LIN54: variants seen among roughly 807,000 people sequenced by gnomAD.
LIN54 encodes the protein protein lin-54 homolog.
In LIN54, 9 loss-of-function variants were observed where a neutral mutation model predicts 78.7. The observed-to-expected ratio is 0.11, with a 90% confidence interval of 0.07 to 0.20. LIN54 has a LOEUF of 0.20. Ranked by LOEUF, LIN54 falls within the 10% of genes least tolerant of loss-of-function variation. LIN54 has a pLI of 1.00. For missense variants in LIN54, 573 were observed against 889.9 expected, an observed-to-expected ratio of 0.64 and a Z score of 4.53; for synonymous variants, 269 against 318.4, an observed-to-expected ratio of 0.84 and a Z score of 1.65.
chr4:82,928,411 G>T, intron 12 of LIN54, 108 bp from the exon 13 acceptor site: 1 of 840,286 alleles, frequency 1.2e-6, no homozygotes, highest in Non-Finnish European at 2.0e-6. Context: ...CAATTCACCA[G>T]CAGGATGAGC....
At chr4:82,933,029 A>C (rs1312363112) in intron 11 of LIN54, among the ~76,000 whole-genome samples, 1 of 152,030 alleles carries the variant, frequency 6.6e-6, no homozygotes, top group East Asian at 1.9e-4. Context: ...GCTGCATTAT[A>C]AACACATTTA....
In LIN54 at chr4:82,939,980, G is replaced by C; in HGVS notation, c.1169-18C>G. On this transcript the variant is annotated intron_variant, in intron 5 of 12. Transcript: ENST00000340417. The stretch of plus-strand genomic sequence containing the variant: ...TGGCTTTGCTTTTTAAAAAACAAAA[G>C]AAGGATGAACAAGTTATTTACAGAA... 1 of 1,556,140 alleles carries C rather than the reference G, an allele frequency of 6.4e-7. No individual in the cohort carries two copies. The highest frequency in any genetic ancestry group is 1.2e-5 in the South Asian group (1 of 84,800).
At chr4:82,970,181 C>T (rs1157309095) in intron 4 of LIN54, 146 bp downstream of exon 4, 1 of 711,054 alleles carries the variant, frequency 1.4e-6, no homozygotes, top group East Asian at 2.7e-5. Context: ...TGTCAGACAT[C>T]CTTGATTACT....
chr4:82,991,367 T>C (rs1419323484), intron 1 of LIN54, among the ~76,000 whole-genome samples: 1 of 152,220 alleles, frequency 6.6e-6, no homozygotes, highest in African/African-American at 2.4e-5. Context: ...AACTGATTTT[T>C]GTATATTGTC....
At chr4:82,975,795 CA>C (rs1196418800) in intron 3 of LIN54, among the ~76,000 whole-genome samples, 1 of 151,164 alleles carries the variant, frequency 6.6e-6, no homozygotes, top group East Asian at 1.9e-4. Flanking sequence ...GGGAGACAGA[CA>C]AGAAAACCAA....
rs367777402 is a variant in LIN54 at position 83,001,963 on chromosome 4, G to C, written c.-33+8521C>G. 3.7e-4 allele frequency among the ~76,000 whole-genome samples: 2 copies of C among 5,354 alleles called. 1 individual carries two copies. The highest frequency in any genetic ancestry group is 1.2e-3 in the Non-Finnish European group (2 of 1,722). 3.5% of individuals were successfully genotyped at this position (5,354 alleles called of 152,430 possible). A position where few individuals can be genotyped will look rare whatever the true frequency, so the allele number is the denominator to read the frequency against. Reference sequence around the variant, plus strand: ...GGAAGGAAGGAAGGAAGGAAGGAAGGAAGGAAGGAAGGAAGGGAGGGATCT... The same window carrying C: ...GGAAGGAAGGAAGGAAGGAAGGAAGCAAGGAAGGAAGGAAGGGAGGGATCT... On this transcript the variant is annotated intron_variant, in intron 1 of 12. Coordinates refer to ENST00000340417, the MANE Select transcript of LIN54 (RefSeq NM_194282.4).
At position 82,933,495 on chromosome 4, in the gene LIN54, T is replaced by A. The variant is rs372313882; in HGVS notation, c.1846-2350A>T. Reference sequence around the variant, plus strand: ...AGCCTATAGGCATTGAAAGGACACATGAATGTGTTGTCCAGATGCAAACCA... The same window carrying A: ...AGCCTATAGGCATTGAAAGGACACAAGAATGTGTTGTCCAGATGCAAACCA... On this transcript the variant is annotated intron_variant, in intron 11 of 12. Coordinates refer to ENST00000340417, the MANE Select transcript of LIN54 (RefSeq NM_194282.4). Among the ~76,000 whole-genome samples, 3 of 151,824 alleles carry A rather than the reference T, an allele frequency of 2.0e-5. No individual in the cohort carries two copies. In the South Asian group the frequency reaches 6.2e-4, roughly 32 times the overall value.
intron 1 of LIN54, among the ~76,000 whole-genome samples, chr4:83,007,001 A>G (rs2126116156): frequency 6.6e-6 from 1 of 152,082 alleles, no homozygotes; most frequent in Non-Finnish European, 1.5e-5. Flanking sequence ...GTAGCCAGGC[A>G]TGGTGGCGGG....
At chr4:82,943,861 ATTTTTTTTTT>A (rs35020887) in intron 5 of LIN54, among the ~76,000 whole-genome samples, 60,875 of 128,752 alleles carry the variant, frequency 0.47, 16,121 homozygotes, top group Admixed American at 0.62. Flanking sequence ...GTCAATACTG[ATTTTTTTTTT>A]TTTTTTTTTT....
intron 1 of LIN54, among the ~76,000 whole-genome samples, chr4:82,985,361 C>G (rs1341882989): frequency 6.6e-6 from 1 of 152,122 alleles, no homozygotes. Flanking sequence ...GTGTACTATC[C>G]CATTTTAAAA....
chr4:82,951,538 G>T (rs906172826), intron 4 of LIN54, among the ~76,000 whole-genome samples: 8 of 152,038 alleles, frequency 5.3e-5, no homozygotes, highest in African/African-American at 1.9e-4. Context: ...AAATAAAATA[G>T]TATGGGATTA....
intron 2 of LIN54, among the ~76,000 whole-genome samples, chr4:82,983,583 C>T (rs1363222436): frequency 6.6e-6 from 1 of 152,098 alleles, no homozygotes; most frequent in Non-Finnish European, 1.5e-5. Flanking sequence ...AAGATAGAGG[C>T]AACTCAAGCC....
At chr4:82,989,392 A>G (rs1304388509) in intron 1 of LIN54, among the ~76,000 whole-genome samples, 2 of 152,178 alleles carry the variant, frequency 1.3e-5, no homozygotes, top group Non-Finnish European at 2.9e-5. Flanking sequence ...CAAGAATGTA[A>G]AAGTATCAAC....
At position 82,932,092 on chromosome 4, in the gene LIN54, A is replaced by AAT. The variant is rs370483165; in HGVS notation, c.1846-948_1846-947insAT. On this transcript the variant is annotated intron_variant, in intron 11 of 12. Transcript: ENST00000340417. Reference sequence around the variant, plus strand: ...CTGGTTAACAGGTCTGTGTATTTTAATTTTTTTTTTTTTTTTTTTTGAGAT... The same window carrying AAT: ...CTGGTTAACAGGTCTGTGTATTTTAAATTTTTTTTTTTTTTTTTTTTTGAGAT... 0.02 allele frequency among the ~76,000 whole-genome samples: 2,542 copies of AAT among 124,820 alleles called. 336 individuals are homozygous for AAT. In the East Asian group the frequency reaches 0.37, roughly 18 times the overall value. 81.9% of individuals were successfully genotyped at this position (124,820 alleles called of 152,430 possible). A position where few individuals can be genotyped will look rare whatever the true frequency, so the allele number is the denominator to read the frequency against.
At chr4:82,935,953 ATAT>A (rs749117319) in intron 11 of LIN54, 25 bp downstream of exon 11, 24 of 1,609,052 alleles carry the variant, frequency 1.5e-5, no homozygotes, top group Non-Finnish European at 2.0e-5. Context: ...TTTTTAAAAG[ATAT>A]TATTTTCCGC....
intron 1 of LIN54, among the ~76,000 whole-genome samples, chr4:82,998,025 A>AC (rs1560790222): frequency 2.3e-5 from 2 of 85,230 alleles, no homozygotes; most frequent in African/African-American, 1.0e-4. Flanking sequence ...TATATATAAT[A>AC]ATATATATAT....
At chr4:82,963,298 T>C (rs1724951010) in intron 4 of LIN54, among the ~76,000 whole-genome samples, 1 of 152,146 alleles carries the variant, frequency 6.6e-6, no homozygotes, top group South Asian at 2.1e-4. Flanking sequence ...AAGCAAAAGC[T>C]GAGAGAATCT....
chr4:82,973,637 A>G (rs1200570658), intron 3 of LIN54, among the ~76,000 whole-genome samples: 2 of 152,226 alleles, frequency 1.3e-5, no homozygotes, highest in African/African-American at 4.8e-5. Flanking sequence ...ATTGTGATGA[A>G]GCTTGCTCCC....
At chr4:83,011,858 G>C (rs931004794), upstream of LIN54, among the ~76,000 whole-genome samples, 2 of 146,648 alleles carry the variant, frequency 1.4e-5, no homozygotes, top group Non-Finnish European at 3.0e-5. Context: ...ATTTTAGAAA[G>C]AGTTAACCAT....
Sources: gnomAD v4.1 joint callset for allele counts (sites outside exome capture counted in the v4.1 genomes callset) on GRCh38, gnomAD v4.1.1 for gene constraint, MANE v1.5 for transcripts, NCBI Gene and HGNC (gene_info 2026-07-23, HGNC 2026-07-21) for gene names.